Variants in SYT1 observed in about 807,000 individuals in gnomAD.
SYT1 encodes the protein synaptotagmin-1.
A neutral mutation model predicts 44.8 loss-of-function variants in SYT1; 8 were observed. The ratio of observed to expected loss-of-function variants is 0.18; its 90% confidence interval spans 0.10 to 0.32. SYT1 has a LOEUF of 0.32. Among genes scored for constraint, SYT1 ranks in the 10% least tolerant of loss-of-function variants. The probability of loss-of-function intolerance (pLI) is 1.00; values close to 1 mark genes in which losing one functional copy is unlikely to be tolerated. For missense variants in SYT1, 286 were observed against 509.3 expected, an observed-to-expected ratio of 0.56 and a Z score of 4.22; for synonymous variants, 154 against 188.8, an observed-to-expected ratio of 0.82 and a Z score of 1.51.
chr12:78,919,561 A>G (rs1876865481), intron 1 of SYT1, among the ~76,000 whole-genome samples: 1 of 152,078 alleles, frequency 6.6e-6, no homozygotes, highest in African/African-American at 2.4e-5. Context: ...GGTGTAGTAT[A>G]TATGCAGTAT....
Position 79,234,376 on chromosome 12 carries a change from A to G in SYT1, c.166+16691A>G, listed in dbSNP as rs2177964. ...GTCATATACAAGCAATGTAATCACC[A>G]CCCCCAAAAATTGCTTCTAGTTCCT... On this transcript the variant is annotated intron_variant, in intron 4 of 10. Coordinates refer to ENST00000261205, the MANE Select transcript of SYT1 (RefSeq NM_005639.3). Among the ~76,000 whole-genome samples, 1,364 of 152,208 alleles carry G rather than the reference A, an allele frequency of 9.0e-3. 24 individuals carry two copies. Among genetic ancestry groups the G allele is most frequent in the African/African-American group, 0.031 (1,292 of 41,528 alleles).
At chr12:79,385,782 A>G (rs1343126079) in intron 9 of SYT1, among the ~76,000 whole-genome samples, 1 of 152,150 alleles carries the variant, frequency 6.6e-6, no homozygotes, top group East Asian at 1.9e-4. Context: ...GTATATGAAT[A>G]TACTAAATAA....
At chr12:79,172,927 G>A (rs1871617702) in intron 3 of SYT1, among the ~76,000 whole-genome samples, 1 of 107,514 alleles carries the variant, frequency 9.3e-6, no homozygotes. Context: ...TTTGTGTCAA[G>A]ATACTACTAC....
chr12:79,014,498 A>G (rs541987255), intron 2 of SYT1, among the ~76,000 whole-genome samples: 151 of 152,264 alleles, frequency 9.9e-4, no homozygotes, highest in African/African-American at 3.3e-3. Context: ...AATGCAAATC[A>G]AAACCACAAT....
At chr12:78,929,217 C>G (rs895597093) in intron 1 of SYT1, among the ~76,000 whole-genome samples, 2 of 151,282 alleles carry the variant, frequency 1.3e-5, no homozygotes, top group East Asian at 3.9e-4. Context: ...GTCTAGCCAA[C>G]GTGGTGAAAC....
chr12:78,973,021 C>G (rs1868488800), intron 1 of SYT1, among the ~76,000 whole-genome samples: 1 of 152,106 alleles, frequency 6.6e-6, no homozygotes, highest in Admixed American at 6.6e-5. Context: ...TTCCCATTAG[C>G]CTCTTTACCT....
At chr12:79,137,631 A>G (rs1869285284) in intron 3 of SYT1, among the ~76,000 whole-genome samples, 1 of 152,218 alleles carries the variant, frequency 6.6e-6, no homozygotes, top group African/African-American at 2.4e-5. Context: ...TACCTTTGAA[A>G]ATATTAAAAA....
intron 2 of SYT1, among the ~76,000 whole-genome samples, chr12:78,992,158 T>G (rs1429618063): frequency 6.6e-6 from 1 of 152,164 alleles, no homozygotes; most frequent in Non-Finnish European, 1.5e-5. Flanking sequence ...TAAAATTCAT[T>G]GTGGAGGATT....
At chr12:79,399,747 T>C (rs934152518) in intron 9 of SYT1, among the ~76,000 whole-genome samples, 3 of 152,220 alleles carry the variant, frequency 2.0e-5, no homozygotes, top group Admixed American at 6.5e-5. Flanking sequence ...AATGCAGATT[T>C]CCCTTCCCAC....
At chr12:79,006,689 T>C (rs987371392) in intron 2 of SYT1, among the ~76,000 whole-genome samples, 1 of 152,110 alleles carries the variant, frequency 6.6e-6, no homozygotes, top group Non-Finnish European at 1.5e-5. Context: ...CGTTAGATAT[T>C]TGTGAGAAGA....
chr12:79,243,333 A>G (rs1876626409), intron 4 of SYT1, among the ~76,000 whole-genome samples: 1 of 152,172 alleles, frequency 6.6e-6, no homozygotes, highest in South Asian at 2.1e-4. Context: ...GCACAGCCAC[A>G]TGCTTTCTCA....
At chr12:79,003,702 A>T (rs1565758039) in intron 2 of SYT1, among the ~76,000 whole-genome samples, 1 of 151,968 alleles carries the variant, frequency 6.6e-6, no homozygotes. Flanking sequence ...TTCATACTTG[A>T]CACGTTGATG....
intron 3 of SYT1, among the ~76,000 whole-genome samples, chr12:79,053,178 T>TA (rs1373606558): frequency 6.6e-6 from 1 of 152,060 alleles, no homozygotes; most frequent in African/African-American, 2.4e-5. Context: ...TATGCAGCCA[T>TA]AAAAAATGAT....
intron 8 of SYT1, among the ~76,000 whole-genome samples, chr12:79,334,205 G>A (rs1021995376): frequency 6.6e-6 from 1 of 151,732 alleles, no homozygotes; most frequent in Non-Finnish European, 1.5e-5. Context: ...TCTTACTGAG[G>A]TACAAACTAA....
At chr12:79,358,458 T>C (rs1592997826) in intron 9 of SYT1, among the ~76,000 whole-genome samples, 1 of 152,216 alleles carries the variant, frequency 6.6e-6, no homozygotes, top group East Asian at 1.9e-4. Flanking sequence ...TGTGAGATAC[T>C]TTCTGAAGAT....
intron 2 of SYT1, among the ~76,000 whole-genome samples, chr12:79,024,578 A>G (rs919752268): frequency 4.0e-5 from 6 of 151,812 alleles, no homozygotes; most frequent in African/African-American, 1.4e-4. Flanking sequence ...TCATTCAACA[A>G]ACACTTACAG....
At chr12:79,239,169 G>C (rs1244576387) in intron 4 of SYT1, among the ~76,000 whole-genome samples, 1 of 152,140 alleles carries the variant, frequency 6.6e-6, no homozygotes. Flanking sequence ...TTGACTTGTA[G>C]AGATATCTTA....
At chr12:78,929,409 C>CAAAAAAAAAAAAAAAAA (rs10646738) in intron 1 of SYT1, among the ~76,000 whole-genome samples, 885 of 43,788 alleles carry the variant, frequency 0.02, 433 homozygotes, top group East Asian at 0.033. Context: ...GACTCCGTCC[C>CAAAAAAAAAAAAAAAAA]AAAAAAAAAA....
rs555962658 is a variant in SYT1, at chr12:79,088,089, T to G, written c.-18+40727T>G. Among the ~76,000 whole-genome samples the G allele has an allele frequency of 2.0e-5, 3 of 152,144 alleles. No individual in the cohort carries two copies. In the East Asian group the frequency reaches 5.8e-4, roughly 29 times the overall value. ...TAATAACCAGGCCTCTCTCCTATGA[T>G]TATGGTAAGGAAAAAATGAGATTAA... On this transcript the variant is annotated intron_variant, in intron 3 of 10. Transcript: ENST00000261205.
Sources: allele counts gnomAD v4.1 joint callset (sites outside exome capture counted in the v4.1 genomes callset), GRCh38; gene constraint gnomAD v4.1.1; transcripts MANE v1.5; gene names NCBI Gene and HGNC (gene_info 2026-07-23, HGNC 2026-07-21).